Variants in ARHGAP10 observed in about 807,000 individuals in gnomAD.
ARHGAP10 encodes rho GTPase-activating protein 10.
A neutral mutation model predicts 108.6 loss-of-function variants in ARHGAP10; 87 were observed. The observed-to-expected ratio is 0.80, with a 90% CI of 0.67 to 0.96. The LOEUF is 0.96. ARHGAP10 is among the 40% of genes least tolerant of loss of function. The pLI, the probability that ARHGAP10 is intolerant of heterozygous loss-of-function variation, is 0.00. For synonymous variants in ARHGAP10, 347 were observed against 341.1 expected (o/e 1.02, Z -0.19); for missense variants, 939 against 954.5 (o/e 0.98, Z 0.21).
At chr4:147,889,249 G>A (rs552377040) in intron 10 of ARHGAP10, among the ~76,000 whole-genome samples, 1 of 152,276 alleles carries the variant, frequency 6.6e-6, no homozygotes, top group South Asian at 2.1e-4. Context: ...TGTGGAGTTT[G>A]TGGGTATTAT....
chr4:147,782,006 C>T (rs1233383170), intron 1 of ARHGAP10, among the ~76,000 whole-genome samples: 3 of 152,076 alleles, frequency 2.0e-5, no homozygotes, highest in East Asian at 1.9e-4. Context: ...TTTAAAAAGT[C>T]GCTGAATAGT....
At chr4:148,062,667 A>G (rs951916963) in intron 20 of ARHGAP10, among the ~76,000 whole-genome samples, 4 of 152,180 alleles carry the variant, frequency 2.6e-5, no homozygotes, top group African/African-American at 7.2e-5. Context: ...GGCCCTCTCT[A>G]GAGGAAGCCT....
Position 147,965,068 on chromosome 4 carries a change from G to A in ARHGAP10, c.1495G>A (p.Val499Ile). 1.9e-6 allele frequency: 3 copies of A among 1,607,138 alleles called. No homozygotes were observed. The South Asian group carries it at 3.3e-5, about 18-fold the overall frequency. ...ESRVNAIHFL[V>I]HKLPEKNKEM... Reference sequence around the variant, plus strand: ...TCGTGTTAATGCGATCCATTTCTTGGTACACAAACTGCCAGAGAAGAATAA... The same window carrying A: ...TCGTGTTAATGCGATCCATTTCTTGATACACAAACTGCCAGAGAAGAATAA... The change falls in exon 17 of 23, where the codon GTA becomes ATA. Residue 499 changes from valine (V) to isoleucine (I), a missense_variant. Coordinates refer to ENST00000336498, the MANE Select transcript of ARHGAP10 (RefSeq NM_024605.4).
At chr4:148,024,713 G>T (rs1741699444) in intron 19 of ARHGAP10, among the ~76,000 whole-genome samples, 1 of 152,186 alleles carries the variant, frequency 6.6e-6, no homozygotes, top group Admixed American at 6.5e-5. Flanking sequence ...TTCAACTTCT[G>T]ATCCTAGCTA....
chr4:147,796,867 C>T (rs1344286994), intron 1 of ARHGAP10, among the ~76,000 whole-genome samples: 1 of 152,178 alleles, frequency 6.6e-6, no homozygotes, highest in Non-Finnish European at 1.5e-5. Flanking sequence ...ATAGTTATAA[C>T]ATTCTATGAT....
At chr4:148,065,979 C>CAAAAAAAAA (rs34551897) in intron 22 of ARHGAP10, among the ~76,000 whole-genome samples, 1 of 98,586 alleles carries the variant, frequency 1.0e-5, no homozygotes, top group East Asian at 3.1e-4. Flanking sequence ...GACCCCATCT[C>CAAAAAAAAA]AAAAAAAAAA....
intron 3 of ARHGAP10, among the ~76,000 whole-genome samples, chr4:147,830,512 C>CTTTTTTTTTTT (rs56946602): frequency 3.9e-5 from 4 of 102,326 alleles, no homozygotes; most frequent in African/African-American, 1.2e-4. Context: ...ACCACAATTC[C>CTTTTTTTTTTT]TTTTTTTTTT....
chr4:147,887,718 C>T (rs531957439), intron 10 of ARHGAP10, among the ~76,000 whole-genome samples: 6 of 151,942 alleles, frequency 3.9e-5, no homozygotes, highest in South Asian at 4.2e-4. Flanking sequence ...AAAAATTAGC[C>T]GGGTGTGGTG....
chr4:147,944,215 C>T lies in ARHGAP10; in HGVS notation c.1304-2402C>T, dbSNP rs550296276. On this transcript the variant is annotated intron_variant, in intron 14 of 22. Coordinates refer to ENST00000336498, the MANE Select transcript of ARHGAP10 (RefSeq NM_024605.4). ...ATTTAGTCCTAGTTATAAAGGATTG[C>T]ACCTTTAATCAGGGGGCTTAATTTG... Among the ~76,000 whole-genome samples, 9 of 152,274 alleles carry T rather than the reference C, an allele frequency of 5.9e-5. No homozygotes were observed. The South Asian group carries it at 1.9e-3, about 32-fold the overall frequency.
chr4:147,920,233 A>G (rs2126933018), intron 13 of ARHGAP10, among the ~76,000 whole-genome samples: 1 of 151,516 alleles, frequency 6.6e-6, no homozygotes, highest in African/African-American at 2.4e-5. Context: ...CCTGGCCAAG[A>G]TAGTGAAACC....
chr4:147,911,781 T>A (rs1275392836), intron 12 of ARHGAP10, among the ~76,000 whole-genome samples: 1 of 152,168 alleles, frequency 6.6e-6, no homozygotes. Context: ...CCAAAATAGT[T>A]TGCTCTGCCA....
chr4:147,994,401 G>A (rs1441314803), intron 18 of ARHGAP10, among the ~76,000 whole-genome samples: 1 of 152,186 alleles, frequency 6.6e-6, no homozygotes, highest in Non-Finnish European at 1.5e-5. Context: ...CTGGTGTGGT[G>A]TTTGTCGTCA....
intron 19 of ARHGAP10, among the ~76,000 whole-genome samples, chr4:148,032,453 T>C (rs777331446): frequency 1.3e-5 from 2 of 150,984 alleles, no homozygotes; most frequent in African/African-American, 4.9e-5. Context: ...TGATCAGTTA[T>C]TAGCAAGTCT....
intron 1 of ARHGAP10, among the ~76,000 whole-genome samples, chr4:147,741,243 T>G (rs935287274): frequency 5.3e-5 from 8 of 152,184 alleles, no homozygotes; most frequent in Non-Finnish European, 1.0e-4. Flanking sequence ...GTTTTATAAA[T>G]TTAGGATACT....
intron 8 of ARHGAP10, among the ~76,000 whole-genome samples, chr4:147,877,768 G>T (rs1406710221): frequency 6.6e-6 from 1 of 151,126 alleles, no homozygotes; most frequent in African/African-American, 2.5e-5. Context: ...GTGTTCTGGG[G>T]CATACTTGGA....
intron 18 of ARHGAP10, among the ~76,000 whole-genome samples, chr4:147,979,858 T>C (rs1560856863): frequency 6.6e-6 from 1 of 152,192 alleles, no homozygotes; most frequent in African/African-American, 2.4e-5. Flanking sequence ...TATAAAGAAA[T>C]GTTGATTTTT....
At chr4:148,061,096 CT>C (rs59476202) in intron 20 of ARHGAP10, among the ~76,000 whole-genome samples, 20,594 of 145,400 alleles carry the variant, frequency 0.14, 1,437 homozygotes, top group Middle Eastern at 0.2. Flanking sequence ...TGGAGGTTTC[CT>C]TTTTTTTTTT....
intron 1 of ARHGAP10, among the ~76,000 whole-genome samples, chr4:147,807,127 C>T (rs1210244656): frequency 2.0e-5 from 3 of 152,118 alleles, no homozygotes; most frequent in Non-Finnish European, 2.9e-5. Flanking sequence ...TTGGAGAGAC[C>T]TGGCTTTGAT....
At chr4:147,745,937 C>T (rs1030792367) in intron 1 of ARHGAP10, among the ~76,000 whole-genome samples, 2 of 151,604 alleles carry the variant, frequency 1.3e-5, no homozygotes, top group African/African-American at 4.9e-5. Context: ...CCGGTGTGCA[C>T]CACCACACCT....
Sources: allele counts gnomAD v4.1 joint callset (sites outside exome capture counted in the v4.1 genomes callset), GRCh38; gene constraint gnomAD v4.1.1; transcripts MANE v1.5; gene names NCBI Gene and HGNC (gene_info 2026-07-23, HGNC 2026-07-21).